ADGRL2: variants seen among roughly 807,000 people sequenced by gnomAD.
The protein encoded by ADGRL2 is adhesion G protein-coupled receptor L2, also known as calcium-independent alpha-latrotoxin receptor 2.
A neutral mutation model predicts 157.4 loss-of-function variants in ADGRL2; 44 were observed. That is an observed-to-expected ratio of 0.28 (90% CI 0.22 to 0.36). The LOEUF is 0.36. Ranked by LOEUF, ADGRL2 falls within the 10% of genes least tolerant of loss-of-function variation. The pLI, the probability that ADGRL2 is intolerant of heterozygous loss-of-function variation, is 1.00. For synonymous variants in ADGRL2, 585 were observed against 624.7 expected (o/e 0.94, Z 0.95); for missense variants, 1,510 against 1,768.9 (o/e 0.85, Z 2.63).
intron 13 of ADGRL2, among the ~76,000 whole-genome samples, chr1:81,967,661 C>A (rs920215306): frequency 6.6e-6 from 1 of 152,080 alleles, no homozygotes; most frequent in African/African-American, 2.4e-5. Context: ...CAAAATAGAA[C>A]ATGGATTTTT....
At chr1:81,387,953 T>G (rs2076466966) in intron 1 of ADGRL2, among the ~76,000 whole-genome samples, 1 of 152,140 alleles carries the variant, frequency 6.6e-6, no homozygotes, top group African/African-American at 2.4e-5. Context: ...TTCTCAATGC[T>G]TTTTCTAAAT....
chr1:81,693,126 C>T (rs948475783), intron 3 of ADGRL2, among the ~76,000 whole-genome samples: 1 of 151,994 alleles, frequency 6.6e-6, no homozygotes, highest in Non-Finnish European at 1.5e-5. Context: ...GCTAACACAT[C>T]CTTCTTTCCT....
chr1:81,429,325 G>A (rs2101606195), intron 1 of ADGRL2, among the ~76,000 whole-genome samples: 1 of 152,104 alleles, frequency 6.6e-6, no homozygotes, highest in South Asian at 2.1e-4. Flanking sequence ...CTAAGAGCAG[G>A]TGAACATTCT....
intron 2 of ADGRL2, among the ~76,000 whole-genome samples, chr1:81,470,409 C>G (rs555616530): frequency 6.6e-5 from 10 of 152,140 alleles, no homozygotes; most frequent in Non-Finnish European, 1.3e-4. Flanking sequence ...GATTCTACCC[C>G]CAACTGCTCC....
intron 1 of ADGRL2, chr1:81,722,626 T>C: frequency 7.0e-7 from 1 of 1,419,852 alleles, no homozygotes; most frequent in East Asian, 2.3e-5. Context: ...TGCCTGTAAA[T>C]TGGATTACGA....
At chr1:81,400,716 C>G (rs1295454690) in intron 1 of ADGRL2, among the ~76,000 whole-genome samples, 1 of 152,098 alleles carries the variant, frequency 6.6e-6, no homozygotes, top group African/African-American at 2.4e-5. Flanking sequence ...AATGGCTGGA[C>G]ACAGCTGTCT....
At chr1:81,540,426 C>T (rs1448300210) in intron 2 of ADGRL2, among the ~76,000 whole-genome samples, 1 of 152,152 alleles carries the variant, frequency 6.6e-6, no homozygotes, top group Admixed American at 6.5e-5. Flanking sequence ...TGGCACAGTG[C>T]CTCCCCTCAT....
chr1:81,808,465 T>G (rs2089443483), intron 1 of ADGRL2, among the ~76,000 whole-genome samples: 2 of 137,820 alleles, frequency 1.5e-5, no homozygotes, highest in Admixed American at 1.5e-4. Context: ...CTTTCTGCTT[T>G]TCATTTTTGT....
intron 2 of ADGRL2, among the ~76,000 whole-genome samples, chr1:81,563,070 A>G (rs1267641889): frequency 1.3e-5 from 2 of 152,124 alleles, no homozygotes; most frequent in Admixed American, 1.3e-4. Flanking sequence ...AACTGTCAAT[A>G]TCTATAAACA....
rs755277210 is a variant in ADGRL2, at chr1:81,958,206, G to A, written c.2017+2146G>A. ...TGGGAGGCAGAGCTTGCAGTGAGCC[G>A]TGATCACGCCATTGCACTCCAGCCT... On this transcript the variant is annotated intron_variant, in intron 11 of 23. Transcript: ENST00000686636. 3.3e-5 allele frequency among the ~76,000 whole-genome samples: 5 copies of A among 151,868 alleles called. No homozygotes were observed. The East Asian group carries it at 5.8e-4, about 18-fold the overall frequency.
intron 13 of ADGRL2, among the ~76,000 whole-genome samples, chr1:81,967,531 G>C (rs1657491372): frequency 6.6e-6 from 1 of 152,146 alleles, no homozygotes; most frequent in Non-Finnish European, 1.5e-5. Context: ...AAAGTGCTGG[G>C]ATTACAGGCG....
At chr1:81,381,977 C>T (rs1436114877) in intron 1 of ADGRL2, among the ~76,000 whole-genome samples, 2 of 152,128 alleles carry the variant, frequency 1.3e-5, no homozygotes, top group Non-Finnish European at 2.9e-5. Context: ...GTTTGTGATT[C>T]CTTTGTCTAA....
chr1:81,359,934 T>C (rs1330752191), intron 1 of ADGRL2, among the ~76,000 whole-genome samples: 1 of 152,016 alleles, frequency 6.6e-6, no homozygotes, highest in East Asian at 1.9e-4. Context: ...GCCTCCAGAA[T>C]TTATCTTCAC....
At chr1:81,310,715 G>A (rs1659692161) in intron 1 of ADGRL2, among the ~76,000 whole-genome samples, 1 of 152,072 alleles carries the variant, frequency 6.6e-6, no homozygotes, top group African/African-American at 2.4e-5. Context: ...TCGACCATTG[G>A]TATGGGAAAG....
intron 5 of ADGRL2, 84 bp downstream of exon 5, chr1:81,942,129 C>T (rs949691352): frequency 6.9e-6 from 4 of 582,670 alleles, no homozygotes; most frequent in Admixed American, 2.9e-5. Flanking sequence ...CCCCACAACA[C>T]TCCTGTATTA....
At chr1:81,712,083 T>C (rs2083950466) in intron 1 of ADGRL2, among the ~76,000 whole-genome samples, 1 of 152,104 alleles carries the variant, frequency 6.6e-6, no homozygotes, top group South Asian at 2.1e-4. Flanking sequence ...TCTGTTTTCA[T>C]TTTACCAATG....
At chr1:81,613,587 G>C (rs1429031656) in intron 3 of ADGRL2, among the ~76,000 whole-genome samples, 1 of 85,586 alleles carries the variant, frequency 1.2e-5, no homozygotes, top group Non-Finnish European at 2.2e-5. Context: ...CTGGGAAGAT[G>C]GACAAGAATA....
intron 2 of ADGRL2, among the ~76,000 whole-genome samples, chr1:81,873,607 C>T (rs2093754564): frequency 6.6e-6 from 1 of 152,038 alleles, no homozygotes; most frequent in Non-Finnish European, 1.5e-5. Context: ...AGAATTCCTT[C>T]CACATGAGAC....
intron 1 of ADGRL2, among the ~76,000 whole-genome samples, chr1:81,408,035 C>G (rs2076885071): frequency 6.6e-6 from 1 of 152,118 alleles, no homozygotes; most frequent in Admixed American, 6.5e-5. Flanking sequence ...TTACACAAGA[C>G]ACACACAGGA....
Sources: gnomAD v4.1 joint callset for allele counts (sites outside exome capture counted in the v4.1 genomes callset) on GRCh38, gnomAD v4.1.1 for gene constraint, MANE v1.5 for transcripts, NCBI Gene and HGNC (gene_info 2026-07-23, HGNC 2026-07-21) for gene names.